Variants in NLGN1 observed in about 807,000 individuals in gnomAD.
The protein encoded by NLGN1 is neuroligin-1.
NLGN1 carries 12 observed loss-of-function variants against 65.5 expected under a neutral mutation model. The ratio of observed to expected loss-of-function variants is 0.18; its 90% CI spans 0.12 to 0.30. The LOEUF (loss-of-function observed/expected upper bound fraction) is 0.30, where lower values mean the gene tolerates loss of function less well. Among genes scored for constraint, NLGN1 ranks in the 10% least tolerant of loss-of-function variants. The pLI is 1.00. For missense variants in NLGN1, 750 were observed against 1,007.1 expected (o/e 0.74, Z 3.46); for synonymous variants, 350 against 359.5 (o/e 0.97, Z 0.30).
At chr3:173,462,839 C>A (rs191073552) in intron 2 of NLGN1, among the ~76,000 whole-genome samples, 1 of 152,110 alleles carries the variant, frequency 6.6e-6, no homozygotes, top group African/African-American at 2.4e-5. Context: ...CTTGACAGTA[C>A]CAAACAAATT....
chr3:174,091,340 T>A (rs1744485609), intron 4 of NLGN1, among the ~76,000 whole-genome samples: 1 of 152,216 alleles, frequency 6.6e-6, no homozygotes, highest in Admixed American at 6.5e-5. Context: ...TTTAAAAATT[T>A]CTCTAAGTGA....
At chr3:174,217,194 G>A (rs9828861) in intron 4 of NLGN1, among the ~76,000 whole-genome samples, 17,029 of 152,026 alleles carry the variant, frequency 0.11, 2,173 homozygotes, top group African/African-American at 0.31. Flanking sequence ...TGTCACATGG[G>A]GTTCTTCCCT....
intron 4 of NLGN1, among the ~76,000 whole-genome samples, chr3:174,003,789 G>A (rs541767753): frequency 6.6e-6 from 1 of 152,016 alleles, no homozygotes; most frequent in East Asian, 1.9e-4. Flanking sequence ...AATATGATAA[G>A]GACTGGTATT....
chr3:174,186,515 T>C (rs541478411), intron 4 of NLGN1, among the ~76,000 whole-genome samples: 4 of 152,162 alleles, frequency 2.6e-5, no homozygotes, highest in African/African-American at 9.6e-5. Context: ...GCATATCAGA[T>C]TTATCATTCT....
rs75727324 is a variant in NLGN1, at chr3:173,869,784, G to A, written c.646+61952G>A. On this transcript the variant is annotated intron_variant, in intron 4 of 6. Coordinates refer to ENST00000457714, the Ensembl canonical transcript of NLGN1. ...GTGGCTTTTACTGGAATTAAAATAC[G>A]TATCCTACAAACGAGGCTTTAATTC... 9.3e-4 allele frequency among the ~76,000 whole-genome samples: 142 copies of A among 152,096 alleles called. 2 individuals carry two copies. The East Asian group carries it at 0.024, about 26-fold the overall frequency.
intron 2 of NLGN1, among the ~76,000 whole-genome samples, chr3:173,438,042 AT>A (rs1718458990): frequency 1.3e-5 from 2 of 152,000 alleles, no homozygotes; most frequent in South Asian, 4.2e-4. Flanking sequence ...AACATTGCAG[AT>A]TTATTATCAA....
chr3:174,180,554 T>C (rs183981032), intron 4 of NLGN1, among the ~76,000 whole-genome samples: 5 of 152,180 alleles, frequency 3.3e-5, no homozygotes. Context: ...TTCTGAGTTA[T>C]TAATGACTTA....
In NLGN1 at chr3:173,474,827, G is replaced by T. The variant is rs1251701047; in HGVS notation, c.-321+39749G>T. Among the ~76,000 whole-genome samples the T allele has an allele frequency of 2.0e-5, 3 of 151,978 alleles. No individual in the cohort carries two copies. The East Asian group carries it at 5.8e-4, about 29-fold the overall frequency. On this transcript the variant is annotated intron_variant, in intron 2 of 6. Coordinates refer to ENST00000457714, the Ensembl canonical transcript of NLGN1. Reference sequence around the variant, plus strand: ...ACAAAAATTATCTGGGCATGGTGGTGCACGCCTGTAATCCTGGCTACTCAG... The same window carrying T: ...ACAAAAATTATCTGGGCATGGTGGTTCACGCCTGTAATCCTGGCTACTCAG...
rs528549552 is a variant in NLGN1, at chr3:173,683,478, C to T, written c.493+78387C>T. On this transcript the variant is annotated intron_variant, in intron 3 of 6. Transcript: ENST00000457714. ...TACATATTGGGGGATCTCCAAGTGA[C>T]AGAACAACAACTATTGCTGAGATGT... is the stretch of plus-strand genomic sequence containing the variant. Among the ~76,000 whole-genome samples, 36 of 152,242 alleles carry T rather than the reference C, an allele frequency of 2.4e-4. 1 individual carries two copies. The South Asian group carries it at 7.3e-3, about 31-fold the overall frequency.
At chr3:173,963,487 G>GGA (rs1714089475) in intron 4 of NLGN1, among the ~76,000 whole-genome samples, 1 of 152,108 alleles carries the variant, frequency 6.6e-6, no homozygotes, top group Non-Finnish European at 1.5e-5. Context: ...CTGGAATTCA[G>GGA]GAGGGAGGTC....
intron 2 of NLGN1, among the ~76,000 whole-genome samples, chr3:173,502,783 G>A (rs1436943897): frequency 2.6e-5 from 4 of 152,186 alleles, no homozygotes; most frequent in South Asian, 2.1e-4. Context: ...TCCCCTGGCA[G>A]TACTTTTAAG....
chr3:173,860,820 T>C (rs1254591082), intron 4 of NLGN1, among the ~76,000 whole-genome samples: 1 of 152,144 alleles, frequency 6.6e-6, no homozygotes, highest in East Asian at 1.9e-4. Flanking sequence ...CCTACCTGCT[T>C]TCTCTATGTC....
intron 3 of NLGN1, among the ~76,000 whole-genome samples, chr3:173,690,396 T>G (rs1765302239): frequency 6.6e-6 from 1 of 152,156 alleles, no homozygotes; most frequent in African/African-American, 2.4e-5. Flanking sequence ...TTATTTATGA[T>G]TCCAACTATA....
intron 4 of NLGN1, among the ~76,000 whole-genome samples, chr3:174,218,273 T>G (rs2152802557): frequency 6.6e-6 from 1 of 152,112 alleles, no homozygotes; most frequent in East Asian, 1.9e-4. Flanking sequence ...AAAATTGCAG[T>G]AGGGAGGATT....
chr3:174,257,031 C>T (rs1745906087), intron 4 of NLGN1, among the ~76,000 whole-genome samples: 1 of 152,070 alleles, frequency 6.6e-6, no homozygotes, highest in Non-Finnish European at 1.5e-5. Context: ...GTCTAATATC[C>T]AACATCTCTA....
intron 4 of NLGN1, among the ~76,000 whole-genome samples, chr3:173,933,738 A>G (rs1174933800): frequency 2.6e-5 from 4 of 152,078 alleles, no homozygotes; most frequent in Admixed American, 2.6e-4. Flanking sequence ...CTTTCCCCTA[A>G]TTTAGACACA....
intron 2 of NLGN1, among the ~76,000 whole-genome samples, chr3:173,474,180 TC>T (rs1725796243): frequency 6.6e-6 from 1 of 152,144 alleles, no homozygotes; most frequent in Non-Finnish European, 1.5e-5. Flanking sequence ...CTCCTCTTGC[TC>T]CTTCTCCTTC....
intron 4 of NLGN1, among the ~76,000 whole-genome samples, chr3:174,261,367 G>C (rs1361147994): frequency 6.9e-6 from 1 of 144,768 alleles, no homozygotes; most frequent in African/African-American, 2.6e-5. Context: ...TCCTTGAGCA[G>C]TGGTTTGTAG....
chr3:173,799,206 G>C (rs1019785471), intron 3 of NLGN1, among the ~76,000 whole-genome samples: 2 of 151,690 alleles, frequency 1.3e-5, no homozygotes, highest in Non-Finnish European at 1.5e-5. Context: ...CTTGAGTGTC[G>C]TGTGTTTGTA....
Sources: gnomAD v4.1 joint callset for allele counts (sites outside exome capture counted in the v4.1 genomes callset) on GRCh38, gnomAD v4.1.1 for gene constraint, MANE v1.5 for transcripts, NCBI Gene and HGNC (gene_info 2026-07-23, HGNC 2026-07-21) for gene names.